SHOC2: variants seen among roughly 807,000 people sequenced by gnomAD.
SHOC2 encodes SHOC2 leucine rich repeat scaffold protein, also known as leucine-rich repeat protein SHOC-2.
Under a neutral mutation model 50.2 loss-of-function variants are expected in SHOC2, and 4 were observed. The observed-to-expected ratio is 0.08, with a 90% CI of 0.04 to 0.18. The LOEUF (loss-of-function observed/expected upper bound fraction) is 0.18, where lower values mean the gene tolerates loss of function less well. SHOC2 is among the 10% of genes least tolerant of loss of function. The pLI is 1.00. For synonymous variants in SHOC2, 218 were observed against 244.5 expected (o/e 0.89, Z 1.01); for missense variants, 388 against 669.6 (o/e 0.58, Z 4.64).
At chr10:110,962,278 T>C (rs1847586720) in intron 1 of SHOC2, among the ~76,000 whole-genome samples, 1 of 152,132 alleles carries the variant, frequency 6.6e-6, no homozygotes. Flanking sequence ...AGAAACTTGA[T>C]ATAATGACAT....
At chr10:110,993,822 A>G (rs1165567789) in intron 3 of SHOC2, among the ~76,000 whole-genome samples, 1 of 152,184 alleles carries the variant, frequency 6.6e-6, no homozygotes, top group Non-Finnish European at 1.5e-5. Context: ...TGGTTCCCCT[A>G]CTAACCTTTG....
chr10:110,953,283 A>G (rs1847393707), intron 1 of SHOC2, among the ~76,000 whole-genome samples: 1 of 152,056 alleles, frequency 6.6e-6, no homozygotes, highest in African/African-American at 2.4e-5. Context: ...ATGGTGTCTC[A>G]TTGTAGTTTT....
At chr10:110,937,170 T>G (rs761360677) in intron 1 of SHOC2, 36 of 1,543,944 alleles carry the variant, frequency 2.3e-5, no homozygotes, top group Non-Finnish European at 3.0e-5. Context: ...TTAGCCACGA[T>G]GGTCGCCAGG....
At chr10:110,970,479 G>C (rs1847758397) in intron 2 of SHOC2, among the ~76,000 whole-genome samples, 1 of 152,154 alleles carries the variant, frequency 6.6e-6, no homozygotes, top group Non-Finnish European at 1.5e-5. Context: ...ATTGTGAATA[G>C]TGTTGTAATA....
chr10:110,989,565 A>G (rs1243100016), intron 3 of SHOC2, among the ~76,000 whole-genome samples: 2 of 152,232 alleles, frequency 1.3e-5, no homozygotes, highest in Admixed American at 1.3e-4. Context: ...AGAACTTGTT[A>G]ACAGGTAGTT....
At chr10:110,994,116 T>G (rs891047980) in intron 3 of SHOC2, among the ~76,000 whole-genome samples, 4 of 152,208 alleles carry the variant, frequency 2.6e-5, no homozygotes, top group African/African-American at 9.6e-5. Flanking sequence ...TTCCATTTTT[T>G]TTTTTAAAGG....
intron 1 of SHOC2, among the ~76,000 whole-genome samples, chr10:110,959,683 G>A (rs1847536073): frequency 6.6e-6 from 1 of 152,210 alleles, no homozygotes; most frequent in South Asian, 2.1e-4. Flanking sequence ...TTAGGGGTTA[G>A]GATTTCTAAG....
At chr10:110,934,422 G>T (rs1329430104) in intron 1 of SHOC2, among the ~76,000 whole-genome samples, 1 of 152,124 alleles carries the variant, frequency 6.6e-6, no homozygotes, top group Admixed American at 6.5e-5. Context: ...CCTGTGTGGA[G>T]AGAGTCTAGA....
intron 2 of SHOC2, 65 bp from the exon 3 acceptor site, chr10:110,985,563 T>C: frequency 8.3e-7 from 1 of 1,200,452 alleles, no homozygotes. Flanking sequence ...TTTTCTTGCT[T>C]AGAAGTATTA....
At chr10:110,948,800 C>A (rs911760739) in intron 1 of SHOC2, among the ~76,000 whole-genome samples, 2 of 152,168 alleles carry the variant, frequency 1.3e-5, no homozygotes, top group African/African-American at 2.4e-5. Context: ...AAATGAACAA[C>A]CTTACTTTGT....
At chr10:110,974,733 A>T (rs1438791418) in intron 2 of SHOC2, among the ~76,000 whole-genome samples, 1 of 152,070 alleles carries the variant, frequency 6.6e-6, no homozygotes, top group Non-Finnish European at 1.5e-5. Flanking sequence ...TTACTTTGAA[A>T]TAATATTGTA....
At chr10:110,961,590 A>G (rs1229581440) in intron 1 of SHOC2, among the ~76,000 whole-genome samples, 1 of 152,180 alleles carries the variant, frequency 6.6e-6, no homozygotes, top group Non-Finnish European at 1.5e-5. Context: ...CTTATGAGCT[A>G]TTATTGAACT....
intron 1 of SHOC2, chr10:110,937,030 T>A (rs565473624): frequency 6.7e-7 from 1 of 1,482,958 alleles, no homozygotes; most frequent in African/African-American, 1.4e-5. Context: ...GGTAGGGGCG[T>A]CGGAAAGGGT....
chr10:110,960,889 C>G (rs1226138792), intron 1 of SHOC2, among the ~76,000 whole-genome samples: 1 of 152,098 alleles, frequency 6.6e-6, no homozygotes, highest in Non-Finnish European at 1.5e-5. Flanking sequence ...GTTGGTCAGG[C>G]TGGTCTCGAA....
intron 7 of SHOC2, 134 bp from the exon 8 acceptor site, chr10:111,009,574 TATGTA>T (rs903169545): frequency 2.5e-6 from 2 of 790,474 alleles, no homozygotes; most frequent in South Asian, 1.7e-5. Flanking sequence ...GAAAGAAAAA[TATGTA>T]ATGTAAGTGA....
intron 1 of SHOC2, among the ~76,000 whole-genome samples, chr10:110,924,891 G>A (rs1328445658): frequency 6.6e-6 from 1 of 151,602 alleles, no homozygotes; most frequent in East Asian, 1.9e-4. Flanking sequence ...CCAATGTAGC[G>A]AAACCCCGTC....
chr10:110,985,927 T>C, intron 3 of SHOC2, 162 bp downstream of exon 3: 1 of 639,336 alleles, frequency 1.6e-6, no homozygotes, highest in Non-Finnish European at 2.7e-6. Context: ...TTTCATTTCC[T>C]TTTCTTGGCA....
chr10:110,920,035 G>A (rs1388933395), intron 1 of SHOC2: 2 of 149,374 alleles, frequency 1.3e-5, no homozygotes, highest in African/African-American at 4.9e-5. Flanking sequence ...GGGGGCCCCC[G>A]GCGGACAGTC....
rs141050118 is a variant in SHOC2 at position 110,977,534 on chromosome 10, C to T, written c.704-8094C>T. Reference sequence around the variant, plus strand: ...TGCTGGGATTACAGGCGTGAGCCACCGTACCCATCCTGCATGTTTAGTAAT... The same window carrying T: ...TGCTGGGATTACAGGCGTGAGCCACTGTACCCATCCTGCATGTTTAGTAAT... On this transcript the variant is annotated intron_variant, in intron 2 of 8. Transcript: ENST00000369452. Among the ~76,000 whole-genome samples the T allele has an allele frequency of 1.8e-4, 28 of 152,306 alleles. No individual in the cohort carries two copies. The East Asian group carries it at 4.6e-3, about 25-fold the overall frequency.
Sources: allele counts gnomAD v4.1 joint callset (sites outside exome capture counted in the v4.1 genomes callset), GRCh38; gene constraint gnomAD v4.1.1; transcripts MANE v1.5; gene names NCBI Gene and HGNC (gene_info 2026-07-23, HGNC 2026-07-21).